The following KIF6 variants were observed in gnomAD, a reference collection of about 807,000 sequenced individuals.
KIF6 encodes kinesin family member 6.
Under a neutral mutation model 112.7 loss-of-function variants are expected in KIF6, and 106 were observed. The ratio of observed to expected loss-of-function variants is 0.94; its 90% CI spans 0.80 to 1.11. The LOEUF is 1.11. Ranked by LOEUF, KIF6 falls within the 50% of genes least tolerant of loss-of-function variation. The pLI, the probability that KIF6 is intolerant of heterozygous loss-of-function variation, is 0.00. For synonymous variants in KIF6, 339 were observed against 339.9 expected, an observed-to-expected ratio of 1.00 and a Z score of 0.03; for missense variants, 929 against 964.0, an observed-to-expected ratio of 0.96 and a Z score of 0.48.
intron 10 of KIF6, among the ~76,000 whole-genome samples, chr6:39,561,542 A>C (rs1780009452): frequency 6.6e-6 from 1 of 151,840 alleles, no homozygotes; most frequent in Non-Finnish European, 1.5e-5. Flanking sequence ...ATTTTCAGTA[A>C]AGATGGGGTT....
At chr6:39,464,552 T>C (rs1773677051) in intron 13 of KIF6, among the ~76,000 whole-genome samples, 1 of 152,172 alleles carries the variant, frequency 6.6e-6, no homozygotes, top group Non-Finnish European at 1.5e-5. Context: ...ACTATGAGCA[T>C]CTGTTTAAAA....
chr6:39,492,024 A>G (rs1775507284), intron 13 of KIF6, among the ~76,000 whole-genome samples: 1 of 152,188 alleles, frequency 6.6e-6, no homozygotes, highest in African/African-American at 2.4e-5. Context: ...TTCAGTCAGC[A>G]AAAGGTTCTT....
At chr6:39,336,774 G>A (rs1239978319) in intron 22 of KIF6, among the ~76,000 whole-genome samples, 1 of 151,540 alleles carries the variant, frequency 6.6e-6, no homozygotes, top group Non-Finnish European at 1.5e-5. Flanking sequence ...ACTGACGCCT[G>A]TTTTCCTACC....
At chr6:39,663,772 A>G (rs10947827) in intron 3 of KIF6, among the ~76,000 whole-genome samples, 13,361 of 152,106 alleles carry the variant, frequency 0.088, 1,153 homozygotes, top group East Asian at 0.38. Flanking sequence ...AAAGAAAAAA[A>G]CAGTTGTGAT....
chr6:39,613,105 T>A (rs1176769504), intron 6 of KIF6, 84 bp downstream of exon 6: 1 of 1,135,986 alleles, frequency 8.8e-7, no homozygotes, highest in African/African-American at 1.6e-5. Flanking sequence ...TAAACTTCTA[T>A]TATATCTTTT....
At chr6:39,540,589 T>C (rs1778731784) in intron 12 of KIF6, among the ~76,000 whole-genome samples, 1 of 152,190 alleles carries the variant, frequency 6.6e-6, no homozygotes, top group African/African-American at 2.4e-5. Flanking sequence ...ACATAGCCCA[T>C]GTATATGTAT....
At chr6:39,395,030 G>T (rs576163601) in intron 15 of KIF6, among the ~76,000 whole-genome samples, 1 of 152,198 alleles carries the variant, frequency 6.6e-6, no homozygotes, top group Non-Finnish European at 1.5e-5. Flanking sequence ...GGCTTTTCAA[G>T]ACAGCTCCTT....
intron 13 of KIF6, among the ~76,000 whole-genome samples, chr6:39,531,174 T>A (rs1434150654): frequency 6.6e-6 from 1 of 152,362 alleles, no homozygotes; most frequent in African/African-American, 2.4e-5. Flanking sequence ...GATAGAAGTC[T>A]CTTCTTCAAA....
intron 10 of KIF6, among the ~76,000 whole-genome samples, chr6:39,569,455 A>C (rs768799636): frequency 2.6e-5 from 4 of 152,224 alleles, no homozygotes; most frequent in Non-Finnish European, 4.4e-5. Context: ...TTTTGGAATA[A>C]GTTATCAAAT....
chr6:39,348,298 G>C (rs146308045), intron 19 of KIF6, among the ~76,000 whole-genome samples: 1 of 152,314 alleles, frequency 6.6e-6, no homozygotes, highest in African/African-American at 2.4e-5. Context: ...AAAGGTGGGA[G>C]GGGGTGGAAG....
chr6:39,709,322 A>G (rs1246868891), intron 3 of KIF6, among the ~76,000 whole-genome samples: 1 of 152,154 alleles, frequency 6.6e-6, no homozygotes, highest in African/African-American at 2.4e-5. Flanking sequence ...TTGGGATGAA[A>G]CTGTTCCGCC....
chr6:39,497,185 T>A (rs564351140), intron 13 of KIF6, among the ~76,000 whole-genome samples: 1 of 152,342 alleles, frequency 6.6e-6, no homozygotes, highest in South Asian at 2.1e-4. Flanking sequence ...TGCCAAAATG[T>A]CAGCAACAGG....
intron 7 of KIF6, among the ~76,000 whole-genome samples, chr6:39,588,576 A>G (rs1378848606): frequency 6.6e-6 from 1 of 151,496 alleles, no homozygotes; most frequent in East Asian, 1.9e-4. Flanking sequence ...ATCAATCTCA[A>G]CCTCTTCCCT....
chr6:39,708,156 A>G (rs1053827898), intron 3 of KIF6, among the ~76,000 whole-genome samples: 2 of 152,206 alleles, frequency 1.3e-5, no homozygotes, highest in Non-Finnish European at 2.9e-5. Context: ...AGCAACAGGC[A>G]AAAGTCCTGC....
chr6:39,637,128 A>G (rs181955718), intron 4 of KIF6, among the ~76,000 whole-genome samples: 3 of 152,166 alleles, frequency 2.0e-5, no homozygotes, highest in Admixed American at 2.0e-4. Flanking sequence ...AAGGAAAATA[A>G]AAGCAAAATG....
At position 39,518,835 on chromosome 6, in the gene KIF6, T is replaced by C. The variant is rs73412766; in HGVS notation, c.1645+21168A>G. 2.0e-3 allele frequency among the ~76,000 whole-genome samples: 304 copies of C among 152,270 alleles called. 2 individuals are homozygous for C. The highest frequency in any genetic ancestry group is 7.0e-3 in the African/African-American group (292 of 41,544). On this transcript the variant is annotated intron_variant, in intron 13 of 22. Coordinates refer to ENST00000287152, the MANE Select transcript of KIF6 (RefSeq NM_145027.6). Reference sequence around the variant, plus strand: ...ATTCAAATGGTAAATGCTTAACTTCTAGAGAAATAAAATTTCTAAAAAGAG... The same window carrying C: ...ATTCAAATGGTAAATGCTTAACTTCCAGAGAAATAAAATTTCTAAAAAGAG...
At chr6:39,432,981 GT>G (rs1227658716) in intron 13 of KIF6, among the ~76,000 whole-genome samples, 6 of 152,080 alleles carry the variant, frequency 3.9e-5, no homozygotes, top group Non-Finnish European at 8.8e-5. Context: ...GGGGTGGTGG[GT>G]GAAAGGGGTG....
At chr6:39,464,647 G>A (rs774897401) in intron 13 of KIF6, among the ~76,000 whole-genome samples, 1 of 152,162 alleles carries the variant, frequency 6.6e-6, no homozygotes, top group Non-Finnish European at 1.5e-5. Flanking sequence ...TCCACAGCCT[G>A]GATGCTAGTG....
chr6:39,440,915 C>T (rs755145521), intron 13 of KIF6, among the ~76,000 whole-genome samples: 8 of 152,074 alleles, frequency 5.3e-5, no homozygotes, highest in Admixed American at 1.3e-4. Flanking sequence ...GCAGCTTTGA[C>T]GATGGAGAGC....
Sources: allele counts gnomAD v4.1 joint callset (sites outside exome capture counted in the v4.1 genomes callset), GRCh38; gene constraint gnomAD v4.1.1; transcripts MANE v1.5; gene names NCBI Gene and HGNC (gene_info 2026-07-23, HGNC 2026-07-21).